DNAJC7: variants seen among roughly 807,000 people sequenced by gnomAD.
The protein encoded by DNAJC7 is DnaJ heat shock protein family (Hsp40) member C7, also known as dnaJ homolog subfamily C member 7.
Under a neutral mutation model 67.4 loss-of-function variants are expected in DNAJC7, and 18 were observed. The observed-to-expected ratio is 0.27, with a 90% confidence interval of 0.18 to 0.40. The LOEUF is 0.40. DNAJC7 is among the 10% of genes least tolerant of loss of function. DNAJC7 has a pLI of 1.00. For synonymous variants in DNAJC7, 220 were observed against 207.8 expected, an observed-to-expected ratio of 1.06 and a Z score of -0.50; for missense variants, 419 against 613.8, an observed-to-expected ratio of 0.68 and a Z score of 3.35.
At position 42,017,390 on chromosome 17, in the gene DNAJC7, C is replaced by G; in HGVS notation, c.27G>C (p.Val9=). The change falls in exon 1 of 14, where the codon GTG becomes GTC. Residue 9 remains valine (V), a synonymous_variant. Coordinates refer to ENST00000457167, the MANE Select transcript of DNAJC7 (RefSeq NM_003315.4). The stretch of plus-strand genomic sequence containing the variant: ...GCTCCGGCTCGGTCGCCGCCATTAC[C>G]ACATCGCACTCCGCGGCAGCCGCCA... MAAAAECD[V]VMAATEPELL... is the part of the protein sequence containing the mutation. The G allele has an allele frequency of 6.2e-7, 1 of 1,609,930 alleles. No individual in the cohort carries two copies.
chr17:42,012,004 A>G (rs2052131088), intron 1 of DNAJC7, among the ~76,000 whole-genome samples: 1 of 152,240 alleles, frequency 6.6e-6, no homozygotes, highest in South Asian at 2.1e-4. Context: ...CTAGGTAGTA[A>G]GGGCCTAATA....
rs114002859 is a variant in DNAJC7, at chr17:41,978,121, A to C, written c.1385-798T>G. On this transcript the variant is annotated intron_variant, in intron 12 of 13. Coordinates refer to ENST00000457167, the MANE Select transcript of DNAJC7 (RefSeq NM_003315.4). The stretch of plus-strand genomic sequence containing the variant: ...GTTCAAGTAACTTGCCCACGATCAC[A>C]TGGCAGCGAAAGCAGCAGAACTGGA... Among the ~76,000 whole-genome samples, 890 of 152,312 alleles carry C rather than the reference A, an allele frequency of 5.8e-3. 10 individuals carry two copies. Among genetic ancestry groups the C allele is most frequent in the African/African-American group, 0.02 (852 of 41,566 alleles).
chr17:41,997,346 T>G, intron 2 of DNAJC7, 107 bp from the exon 3 acceptor site: 1 of 1,433,398 alleles, frequency 7.0e-7, no homozygotes. Flanking sequence ...CCCAGTACTT[T>G]GGGAGGCCAA....
intron 1 of DNAJC7, among the ~76,000 whole-genome samples, chr17:42,006,261 C>T (rs1555650224): frequency 6.6e-6 from 1 of 151,896 alleles, no homozygotes; most frequent in African/African-American, 2.4e-5. Flanking sequence ...TCAAGCAATT[C>T]TCCCACCTCA....
intron 12 of DNAJC7, among the ~76,000 whole-genome samples, chr17:41,978,271 GC>G (rs1290464715): frequency 1.1e-4 from 17 of 152,230 alleles, no homozygotes; most frequent in Admixed American, 6.5e-4. Flanking sequence ...TGATCCCACA[GC>G]CACCTCGTGC....
chr17:42,009,915 G>A (rs905975670), intron 1 of DNAJC7, among the ~76,000 whole-genome samples: 4 of 152,100 alleles, frequency 2.6e-5, no homozygotes, highest in South Asian at 4.2e-4. Context: ...AGGCCGAGGC[G>A]GGCAGATCCT....
intron 5 of DNAJC7, among the ~76,000 whole-genome samples, chr17:41,994,410 C>T (rs1254337559): frequency 1.3e-5 from 2 of 149,030 alleles, no homozygotes; most frequent in Non-Finnish European, 3.0e-5. Flanking sequence ...TGATGGCATG[C>T]GCCTGTAATC....
At chr17:41,981,830 TC>T in intron 12 of DNAJC7, 24 bp downstream of exon 12, 7 of 1,608,768 alleles carry the variant, frequency 4.4e-6, no homozygotes, top group Non-Finnish European at 5.9e-6. Flanking sequence ...GTCAAATTCA[TC>T]CCAGGCTGCC....
chr17:41,996,278 C>A (rs1207598740), intron 4 of DNAJC7, 33 bp downstream of exon 4: 4 of 1,605,616 alleles, frequency 2.5e-6, no homozygotes, highest in Non-Finnish European at 3.4e-6. Flanking sequence ...TACCATACTG[C>A]CTCTTTTGAC....
chr17:41,997,894 GCT>G (rs1555648911), intron 2 of DNAJC7, among the ~76,000 whole-genome samples: 1 of 152,026 alleles, frequency 6.6e-6, no homozygotes, highest in Non-Finnish European at 1.5e-5. Context: ...GCACAGTCTG[GCT>G]CTGTTGCCCA....
chr17:41,992,813 G>A (rs1332735661), intron 5 of DNAJC7: 3 of 152,108 alleles, frequency 2.0e-5, no homozygotes, highest in African/African-American at 7.2e-5. Context: ...AGCTACAGTG[G>A]GGGGGCTGGG....
chr17:42,006,796 CAAAAAA>C (rs57155070), intron 1 of DNAJC7, among the ~76,000 whole-genome samples: 526 of 23,332 alleles, frequency 0.023, 22 homozygotes, highest in African/African-American at 0.099. Context: ...GACTCCGTCT[CAAAAAA>C]AAAAAAAAAA....
At chr17:41,993,609 T>A (rs1473748845) in intron 5 of DNAJC7, among the ~76,000 whole-genome samples, 1 of 152,256 alleles carries the variant, frequency 6.6e-6, no homozygotes, top group African/African-American at 2.4e-5. Flanking sequence ...TCTCTCCTGA[T>A]CAGTGGTTTT....
In DNAJC7 at chr17:42,002,619, A is replaced by G. The variant is rs139584396; in HGVS notation, c.78-2049T>C. 3.9e-4 allele frequency among the ~76,000 whole-genome samples: 59 copies of G among 152,362 alleles called. 1 individual carries two copies. In the East Asian group the frequency reaches 0.011, roughly 27 times the overall value. On this transcript the variant is annotated intron_variant, in intron 1 of 13. Transcript: ENST00000457167. Reference sequence around the variant, plus strand: ...ATTCCCATTTTTCAAAAGAGGAAATAAGGCCTGGGGGTTAAATAACTTGCC... The same window carrying G: ...ATTCCCATTTTTCAAAAGAGGAAATGAGGCCTGGGGGTTAAATAACTTGCC...
chr17:41,990,194 G>C, intron 6 of DNAJC7, 70 bp downstream of exon 6: 1 of 1,439,362 alleles, frequency 6.9e-7, no homozygotes, highest in Non-Finnish European at 9.6e-7. Context: ...ATATCCTGTG[G>C]TGAAGCTGCC....
At chr17:41,999,806 A>C (rs1188343792) in intron 2 of DNAJC7, among the ~76,000 whole-genome samples, 1 of 152,204 alleles carries the variant, frequency 6.6e-6, no homozygotes, top group Admixed American at 6.5e-5. Context: ...GGCGTGAGCC[A>C]CTGAGCCTGG....
At chr17:41,999,668 G>A (rs1289534123) in intron 2 of DNAJC7, among the ~76,000 whole-genome samples, 1 of 147,610 alleles carries the variant, frequency 6.8e-6, no homozygotes, top group Non-Finnish European at 1.5e-5. Context: ...TTACAGGCAC[G>A]CACCACCACA....
chr17:41,992,873 G>A (rs1471788685), intron 5 of DNAJC7: 1 of 152,200 alleles, frequency 6.6e-6, no homozygotes, highest in African/African-American at 2.4e-5. Context: ...TGGCTCTGGA[G>A]TAGGCAAGAG....
chr17:41,978,208 C>T (rs2051142377), intron 12 of DNAJC7, among the ~76,000 whole-genome samples: 1 of 152,150 alleles, frequency 6.6e-6, no homozygotes. Context: ...TGTCTGGTGG[C>T]CCCATCCCTG....
Sources: gnomAD v4.1 joint callset for allele counts (sites outside exome capture counted in the v4.1 genomes callset) on GRCh38, gnomAD v4.1.1 for gene constraint, MANE v1.5 for transcripts, NCBI Gene and HGNC (gene_info 2026-07-23, HGNC 2026-07-21) for gene names.